PSMA3: variants seen among roughly 807,000 people sequenced by gnomAD.
PSMA3 encodes the protein proteasome 20S subunit alpha 3, also known as proteasome subunit alpha type-3.
Under a neutral mutation model 40.0 loss-of-function variants are expected in PSMA3, and 8 were observed. The observed-to-expected ratio is 0.20, with a 90% confidence interval of 0.12 to 0.36. The LOEUF is 0.36. Ranked by LOEUF, PSMA3 falls within the 10% of genes least tolerant of loss-of-function variation. The pLI is 1.00. For synonymous variants in PSMA3, 110 were observed against 100.0 expected (o/e 1.10, Z -0.59); for missense variants, 219 against 310.6 (o/e 0.70, Z 2.22).
chr14:58,253,285 G>A (rs1030475439), intron 3 of PSMA3, among the ~76,000 whole-genome samples: 6 of 151,820 alleles, frequency 4.0e-5, no homozygotes, highest in African/African-American at 9.7e-5. Flanking sequence ...CACTGCGCCC[G>A]GCCTAATGCC....
Position 58,244,858 on chromosome 14 carries a change from C to G in PSMA3, c.-63C>G, listed in dbSNP as rs921997876. On this transcript the variant is annotated 5_prime_UTR_variant, in exon 1 of 11. It adds an upstream start codon to the 5' untranslated region. Coordinates refer to ENST00000216455, the MANE Select transcript of PSMA3 (RefSeq NM_002788.4). ...CGGGCCTGTTACTAGTTTGCGGCAT[C>G]CTGTGGTATAGGGGAAGCGCTCCGG... 4.3e-6 allele frequency: 7 copies of G among 1,612,424 alleles called. No homozygotes were observed. In the African/African-American group the frequency reaches 9.3e-5, roughly 22 times the overall value.
rs201785761 is a variant in PSMA3 at position 58,252,989 on chromosome 14, T to C, written c.228+747T>C. ...TATATCAATGTCATTTTCTTTTTTT[T>C]TTTTTTTTGGTTTGAGACAGAGTCT... On this transcript the variant is annotated intron_variant, in intron 3 of 10. Transcript: ENST00000216455. 2.7e-4 allele frequency among the ~76,000 whole-genome samples: 41 copies of C among 151,452 alleles called. No individual in the cohort carries two copies. In the East Asian group the frequency reaches 7.9e-3, roughly 29 times the overall value.
intron 1 of PSMA3, among the ~76,000 whole-genome samples, chr14:58,246,585 G>A (rs1889886111): frequency 2.0e-5 from 3 of 152,114 alleles, no homozygotes; most frequent in South Asian, 4.1e-4. Context: ...TTTTCGTAGA[G>A]ATGAGGTTTC....
intron 5 of PSMA3, among the ~76,000 whole-genome samples, chr14:58,260,038 AT>A (rs1890237179): frequency 6.6e-6 from 1 of 152,236 alleles, no homozygotes; most frequent in African/African-American, 2.4e-5. Flanking sequence ...AGGGATGGGA[AT>A]TGAATAGTTA....
At chr14:58,267,691 G>T (rs996886770) in intron 8 of PSMA3, 171 bp downstream of exon 8, 28 of 1,192,164 alleles carry the variant, frequency 2.3e-5, no homozygotes, top group Non-Finnish European at 2.9e-5. Context: ...ATGTTTTTAA[G>T]CAATATTTTT....
chr14:58,269,797 AC>A (rs2140098572), intron 8 of PSMA3: 1 of 151,832 alleles, frequency 6.6e-6, no homozygotes, highest in East Asian at 1.9e-4. Context: ...ACAGTTAATG[AC>A]GCCTCTTCCT....
intron 3 of PSMA3, among the ~76,000 whole-genome samples, chr14:58,255,186 G>A (rs1004406611): frequency 5.4e-5 from 8 of 148,440 alleles, no homozygotes; most frequent in African/African-American, 2.0e-4. Context: ...CTTAGTAGCC[G>A]TTTTTTTTTT....
chr14:58,263,296 T>C (rs2140091915), intron 6 of PSMA3, among the ~76,000 whole-genome samples: 1 of 152,234 alleles, frequency 6.6e-6, no homozygotes, highest in Admixed American at 6.5e-5. Context: ...TGCATCCTTA[T>C]CTTTAAAAAA....
intron 7 of PSMA3, 43 bp downstream of exon 7, chr14:58,263,813 T>G (rs1239093749): frequency 6.4e-7 from 1 of 1,560,680 alleles, no homozygotes; most frequent in Non-Finnish European, 8.8e-7. Context: ...GTCATCCTAA[T>G]GCAGTGAAAT....
chr14:58,252,077 T>C (rs2140081664), intron 2 of PSMA3, 42 bp from the exon 3 acceptor site: 1 of 1,556,654 alleles, frequency 6.4e-7, no homozygotes, highest in Non-Finnish European at 8.6e-7. Context: ...GAAGTTTCTT[T>C]TATTTTCAGT....
At chr14:58,245,814 C>A (rs1436838028) in intron 1 of PSMA3, among the ~76,000 whole-genome samples, 1 of 152,214 alleles carries the variant, frequency 6.6e-6, no homozygotes, top group Non-Finnish European at 1.5e-5. Flanking sequence ...ACAAGATTCT[C>A]ATGCTCAGCC....
intron 8 of PSMA3, 175 bp downstream of exon 8, chr14:58,267,695 T>C: frequency 8.6e-7 from 1 of 1,160,672 alleles, no homozygotes; most frequent in Non-Finnish European, 1.1e-6. Context: ...TTTTAAGCAA[T>C]ATTTTTTAGT....
intron 6 of PSMA3, 75 bp downstream of exon 6, chr14:58,261,095 G>T: frequency 2.1e-6 from 2 of 955,316 alleles, no homozygotes; most frequent in Non-Finnish European, 3.1e-6. Context: ...CTCATTATAA[G>T]ATTATATGAA....
chr14:58,263,314 A>G (rs1462747114), intron 6 of PSMA3, among the ~76,000 whole-genome samples: 1 of 152,104 alleles, frequency 6.6e-6, no homozygotes, highest in Non-Finnish European at 1.5e-5. Flanking sequence ...AAAATTTACA[A>G]AATAATAAAA....
At chr14:58,254,590 C>G (rs539887317) in intron 3 of PSMA3, among the ~76,000 whole-genome samples, 6 of 151,710 alleles carry the variant, frequency 4.0e-5, no homozygotes, top group Non-Finnish European at 8.8e-5. Context: ...CCCGCCTCAG[C>G]TTCTTGAGTT....
chr14:58,257,136 C>A (rs1209212671), intron 3 of PSMA3, among the ~76,000 whole-genome samples: 4 of 150,296 alleles, frequency 2.7e-5, no homozygotes. Context: ...GACCAAGACC[C>A]ATGGTTTTTA....
At chr14:58,271,245 GCCTTGGTT>G (rs1014861060) in intron 10 of PSMA3, among the ~76,000 whole-genome samples, 41 of 124,910 alleles carry the variant, frequency 3.3e-4, no homozygotes, top group African/African-American at 1.1e-3. Flanking sequence ...GGGTAAAGTT[GCCTTGGTT>G]CCAAAAAAAA....
chr14:58,259,099 C>T (rs1432985956), intron 5 of PSMA3, among the ~76,000 whole-genome samples: 1 of 151,908 alleles, frequency 6.6e-6, no homozygotes, highest in East Asian at 1.9e-4. Context: ...GGCTAATTAA[C>T]AAAATTTTTT....
chr14:58,265,058 C>G (rs994382983), intron 7 of PSMA3: 1 of 152,126 alleles, frequency 6.6e-6, no homozygotes, highest in African/African-American at 2.4e-5. Flanking sequence ...CCCAGTAGTT[C>G]CAAGACCAGG....
Sources: allele counts gnomAD v4.1 joint callset (sites outside exome capture counted in the v4.1 genomes callset), GRCh38; gene constraint gnomAD v4.1.1; transcripts MANE v1.5; gene names NCBI Gene and HGNC (gene_info 2026-07-23, HGNC 2026-07-21).